PDHX: variants seen among roughly 807,000 people sequenced by gnomAD.
The protein encoded by PDHX is pyruvate dehydrogenase protein X component, mitochondrial.
Under a neutral mutation model 55.3 loss-of-function variants are expected in PDHX, and 33 were observed. That is an observed-to-expected ratio of 0.60 (90% CI 0.45 to 0.80). PDHX has a LOEUF of 0.80. PDHX is among the 30% of genes least tolerant of loss of function. The probability of loss-of-function intolerance (pLI) is 0.00; values close to 1 mark genes in which losing one functional copy is unlikely to be tolerated. For missense variants in PDHX, 622 were observed against 619.9 expected, an observed-to-expected ratio of 1.00 and a Z score of -0.04; for synonymous variants, 226 against 219.4, an observed-to-expected ratio of 1.03 and a Z score of -0.27.
Position 34,995,057 on chromosome 11 carries a change from G to T in PDHX, c.1391G>T (p.Arg464Leu). ...GAGGGAAATGCCAAACTGCAGCAGC[G>T]CCAGCTCATAACAGTCACAATGTCA... The part of the protein sequence containing the change: ...DEEGNAKLQQ[R>L]QLITVTMSSD... The change falls in exon 11 of 11, where the codon CGC becomes CTC. Residue 464 changes from arginine to leucine, a missense_variant. Physicochemically the swap from Arg to Leu is moderately radical, Grantham distance 102. Transcript: ENST00000227868. 6.2e-7 allele frequency: 1 copy of T among 1,614,048 alleles called. No individual in the cohort carries two copies. Among genetic ancestry groups the T allele is most frequent in the African/African-American group, 1.3e-5 (1 of 75,042 alleles).
intron 3 of PDHX, among the ~76,000 whole-genome samples, chr11:34,953,157 T>G (rs367605519): frequency 6.8e-4 from 104 of 152,232 alleles, no homozygotes; most frequent in African/African-American, 2.3e-3. Context: ...CCTCTTCAAG[T>G]AGAACTACAA....
chr11:34,981,853 T>C (rs1254792546), intron 8 of PDHX, among the ~76,000 whole-genome samples: 1 of 152,194 alleles, frequency 6.6e-6, no homozygotes, highest in Non-Finnish European at 1.5e-5. Context: ...GGGTTGTTTG[T>C]TTTTTTCTTG....
rs1027035600 is a variant in PDHX, at chr11:34,996,106, A to G, written c.*934A>G. 10 of 152,192 alleles carry G rather than the reference A, an allele frequency of 6.6e-5. No homozygotes were observed. Among genetic ancestry groups the G allele is most frequent in the Admixed American group, 5.9e-4 (9 of 15,278 alleles). 9.4% of individuals were successfully genotyped at this position (152,192 alleles called of 1,614,324 possible). On this transcript the variant is annotated 3_prime_UTR_variant, in exon 11 of 11. Coordinates refer to ENST00000227868, the MANE Select transcript of PDHX (RefSeq NM_003477.3). ...TTAAATGTTAAAACACAAAAGTTCAATAAACCTTGAAGTTGATTAGTAGTT... is the reference window on the plus strand; with the variant it reads ...TTAAATGTTAAAACACAAAAGTTCAGTAAACCTTGAAGTTGATTAGTAGTT...
chr11:34,918,379 T>C (rs1054096111), intron 1 of PDHX, among the ~76,000 whole-genome samples: 1 of 151,924 alleles, frequency 6.6e-6, no homozygotes, highest in South Asian at 2.1e-4. Context: ...AGACGTTTCA[T>C]TGAGCTATGA....
intron 4 of PDHX, 93 bp downstream of exon 4, chr11:34,957,676 G>T (rs1461098632): frequency 4.0e-6 from 4 of 996,674 alleles, no homozygotes; most frequent in Non-Finnish European, 6.2e-6. Context: ...GCACATCGTT[G>T]TACATCACGT....
At chr11:34,975,755 C>T (rs1046545923) in intron 7 of PDHX, among the ~76,000 whole-genome samples, 9 of 152,108 alleles carry the variant, frequency 5.9e-5, no homozygotes, top group African/African-American at 1.4e-4. Flanking sequence ...TTGTAACCTC[C>T]GCTCCCTAAT....
intron 2 of PDHX, among the ~76,000 whole-genome samples, chr11:34,945,293 A>G (rs1414294912): frequency 2.0e-5 from 3 of 152,152 alleles, no homozygotes; most frequent in Non-Finnish European, 4.4e-5. Flanking sequence ...CATTACTTTA[A>G]AAATACTAGT....
At chr11:34,942,675 T>G (rs1254928412) in intron 2 of PDHX, among the ~76,000 whole-genome samples, 1 of 152,226 alleles carries the variant, frequency 6.6e-6, no homozygotes, top group Admixed American at 6.5e-5. Flanking sequence ...TGATGTTTGA[T>G]TATTGAAAGA....
intron 7 of PDHX, among the ~76,000 whole-genome samples, chr11:34,971,905 A>T (rs1040177124): frequency 6.6e-6 from 1 of 152,006 alleles, no homozygotes; most frequent in Non-Finnish European, 1.5e-5. Flanking sequence ...AAGGTTTTTA[A>T]CTATGAATTT....
chr11:34,947,789 G>C (rs1437247626), intron 3 of PDHX, among the ~76,000 whole-genome samples, 183 bp downstream of exon 3: 2 of 152,070 alleles, frequency 1.3e-5, no homozygotes, highest in Non-Finnish European at 2.9e-5. Context: ...CTATTTTTCT[G>C]TATTTTCTAA....
chr11:34,951,753 T>C (rs560572807), intron 3 of PDHX, among the ~76,000 whole-genome samples: 1 of 152,338 alleles, frequency 6.6e-6, no homozygotes, highest in Admixed American at 6.5e-5. Flanking sequence ...TTTGGTGTTT[T>C]AGACATGAAG....
chr11:34,971,250 A>G (rs948693708), intron 7 of PDHX, among the ~76,000 whole-genome samples: 1 of 152,140 alleles, frequency 6.6e-6, no homozygotes, highest in Non-Finnish European at 1.5e-5. Context: ...ATTTTTTAGC[A>G]TGAACTGATA....
In PDHX at chr11:34,975,678, T is replaced by G. The variant is rs535214284; in HGVS notation, c.965-2446T>G. Reference sequence around the variant, plus strand: ...CTCCTGTACTCTGACAGTGGGTATTTACTTCCTGTGTTTGTCTCTCCTCTG... The same window carrying G: ...CTCCTGTACTCTGACAGTGGGTATTGACTTCCTGTGTTTGTCTCTCCTCTG... On this transcript the variant is annotated intron_variant, in intron 7 of 10. Transcript: ENST00000227868. Among the ~76,000 whole-genome samples, 14 of 152,336 alleles carry G rather than the reference T, an allele frequency of 9.2e-5. No individual in the cohort carries two copies. The South Asian group carries it at 2.9e-3, about 32-fold the overall frequency.
chr11:34,968,946 T>G (rs1039501740), intron 6 of PDHX, among the ~76,000 whole-genome samples: 6 of 152,216 alleles, frequency 3.9e-5, no homozygotes, highest in African/African-American at 7.2e-5. Flanking sequence ...GTTCGACTTA[T>G]AATTTTTTGA....
rs1853721201 is a variant in PDHX, at chr11:34,916,706, T to C, written c.51T>C (p.Leu17=). 3 of 1,612,940 alleles carry C rather than the reference T, an allele frequency of 1.9e-6. No individual in the cohort carries two copies. Among genetic ancestry groups the C allele is most frequent in the African/African-American group, 2.7e-5 (2 of 74,884 alleles). The change falls in exon 1 of 11, where the codon CTT becomes CTC. Residue 17 remains leucine (L), a synonymous_variant. Transcript: ENST00000227868. ...GTGATCCGCGGCTGCTGCGTTATCT[T>C]GTGGGCTTCCCCGGCCGCCGAAGCG... ...LGCDPRLLRY[L]VGFPGRRSVG... is the part of the protein sequence containing the mutation.
Position 34,995,274 on chromosome 11 carries a change from G to C in PDHX, c.*102G>C. 1 of 1,265,282 alleles carries C rather than the reference G, an allele frequency of 7.9e-7. No individual in the cohort carries two copies. The highest frequency in any genetic ancestry group is 1.2e-5 in the South Asian group (1 of 83,038). 78.4% of individuals were successfully genotyped at this position (1,265,282 alleles called of 1,614,324 possible). A position where few individuals can be genotyped will look rare whatever the true frequency, so the allele number is the denominator to read the frequency against. On this transcript the variant is annotated 3_prime_UTR_variant, in exon 11 of 11. Coordinates refer to ENST00000227868, the MANE Select transcript of PDHX (RefSeq NM_003477.3). The stretch of plus-strand genomic sequence containing the variant: ...CAACTTGGTATTTAAGTATGAAGTG[G>C]ATGAAATGTTTATTTATTTAAGGTG...
intron 1 of PDHX, among the ~76,000 whole-genome samples, chr11:34,925,791 C>T (rs1303307282): frequency 6.6e-6 from 1 of 152,120 alleles, no homozygotes. Context: ...GCTTTTTGAG[C>T]ACTGACATGA....
At position 34,995,088 on chromosome 11, in the gene PDHX, C is replaced by G; in HGVS notation, c.1422C>G (p.Asp474Glu). 1 of 1,614,036 alleles carries G rather than the reference C, an allele frequency of 6.2e-7. No homozygotes were observed. The highest frequency in any genetic ancestry group is 2.2e-5 in the East Asian group (1 of 44,878). The change falls in exon 11 of 11, where the codon GAC becomes GAG. Residue 474 changes from aspartate (D) to glutamate (E), a missense_variant. Physicochemically the swap from Asp to Glu is conservative, Grantham distance 45. Transcript: ENST00000227868. Reference sequence around the variant, plus strand: ...TCATAACAGTCACAATGTCAAGTGACAGTCGAGTGGTTGATGACGAACTGG... The same window carrying G: ...TCATAACAGTCACAATGTCAAGTGAGAGTCGAGTGGTTGATGACGAACTGG... ...RQLITVTMSS[D>E]SRVVDDELAT... is the part of the protein sequence containing the mutation.
chr11:34,974,576 A>G (rs1327811932), intron 7 of PDHX, among the ~76,000 whole-genome samples: 3 of 152,096 alleles, frequency 2.0e-5, no homozygotes, highest in Non-Finnish European at 4.4e-5. Context: ...TTAATTTTTT[A>G]AGGAGCTACC....
Sources: gnomAD v4.1 joint callset for allele counts (sites outside exome capture counted in the v4.1 genomes callset) on GRCh38, gnomAD v4.1.1 for gene constraint, MANE v1.5 for transcripts, NCBI Gene and HGNC (gene_info 2026-07-23, HGNC 2026-07-21) for gene names.